Variants in SLIT2 observed in about 807,000 individuals in gnomAD.
The protein encoded by SLIT2 is slit homolog 2 protein.
A neutral mutation model predicts 185.7 loss-of-function variants in SLIT2; 41 were observed. That is an observed-to-expected ratio of 0.22 (90% CI 0.17 to 0.29). The LOEUF (loss-of-function observed/expected upper bound fraction) is 0.29. Ranked by LOEUF, SLIT2 falls within the 10% of genes least tolerant of loss-of-function variation. The pLI is 1.00. For synonymous variants in SLIT2, 693 were observed against 680.2 expected (o/e 1.02, Z -0.29); for missense variants, 1,571 against 1,909.0 (o/e 0.82, Z 3.30).
intron 4 of SLIT2, among the ~76,000 whole-genome samples, chr4:20,296,084 T>C (rs1716445285): frequency 6.6e-6 from 1 of 152,252 alleles, no homozygotes; most frequent in African/African-American, 2.4e-5. Context: ...CTGTAGATAT[T>C]CTAGAAAGAC....
At chr4:20,466,316 T>C (rs181332982) in intron 4 of SLIT2, among the ~76,000 whole-genome samples, 2 of 152,030 alleles carry the variant, frequency 1.3e-5, no homozygotes, top group Admixed American at 6.6e-5. Flanking sequence ...TTTTAGGAAA[T>C]GAAGGATTAA....
Position 20,450,741 on chromosome 4 carries a change from A to G in SLIT2, c.396-17011A>G, listed in dbSNP as rs149876548. On this transcript the variant is annotated intron_variant, in intron 4 of 36. Transcript: ENST00000504154. ...AATGCTATGAAGAATTGCATAAGGT[A>G]TTTATTCATTAGGTGTATTTGGAAA... 5.9e-3 allele frequency among the ~76,000 whole-genome samples: 899 copies of G among 152,320 alleles called. 5 individuals are homozygous for G. The highest frequency in any genetic ancestry group is 0.02 in the African/African-American group (848 of 41,574).
chr4:20,530,973 A>T (rs960775283), intron 16 of SLIT2, among the ~76,000 whole-genome samples: 1 of 151,914 alleles, frequency 6.6e-6, no homozygotes, highest in South Asian at 2.1e-4. Context: ...TAAAAAAAAA[A>T]AACAAAAACA....
intron 4 of SLIT2, among the ~76,000 whole-genome samples, chr4:20,438,266 G>GT (rs1729497017): frequency 6.6e-6 from 1 of 152,132 alleles, no homozygotes; most frequent in Non-Finnish European, 1.5e-5. Flanking sequence ...TGTTGATAAA[G>GT]ACATATCCAA....
chr4:20,437,982 C>A (rs111323352), intron 4 of SLIT2, among the ~76,000 whole-genome samples: 3 of 151,930 alleles, frequency 2.0e-5, no homozygotes, highest in Admixed American at 6.6e-5. Context: ...ACCTCATACC[C>A]CATGCCCAAT....
intron 29 of SLIT2, among the ~76,000 whole-genome samples, chr4:20,573,938 T>TTTTTTTTA (rs138792373): frequency 7.1e-6 from 1 of 140,718 alleles, no homozygotes; most frequent in Non-Finnish European, 1.5e-5. Context: ...CATAGAATTA[T>TTTTTTTTA]TTTATTTATT....
intron 4 of SLIT2, among the ~76,000 whole-genome samples, chr4:20,371,805 A>G (rs1723597432): frequency 6.6e-6 from 1 of 152,072 alleles, no homozygotes; most frequent in South Asian, 2.1e-4. Context: ...TTCCATATGT[A>G]TGGAAATATA....
chr4:20,518,548 A>G (rs1288038987), intron 11 of SLIT2, among the ~76,000 whole-genome samples: 13 of 53,916 alleles, frequency 2.4e-4, no homozygotes, highest in Middle Eastern at 0.029. Flanking sequence ...CACTGTGCCC[A>G]GCCTATATGT....
chr4:20,609,936 A>G, intron 33 of SLIT2, 77 bp from the exon 34 acceptor site: 2 of 1,372,638 alleles, frequency 1.5e-6, no homozygotes, highest in Non-Finnish European at 2.0e-6. Flanking sequence ...AGGAGCACTT[A>G]TCAAAGTTTG....
intron 33 of SLIT2, among the ~76,000 whole-genome samples, chr4:20,605,196 T>A (rs1031888656): frequency 6.6e-6 from 1 of 152,204 alleles, no homozygotes; most frequent in African/African-American, 2.4e-5. Flanking sequence ...AGTCTTTTAT[T>A]AAACTACAGA....
In SLIT2 at chr4:20,431,347, A is replaced by AGTGTG. The variant is rs1275644778; in HGVS notation, c.396-36404_396-36400dup. Among the ~76,000 whole-genome samples the AGTGTG allele has an allele frequency of 3.3e-5, 5 of 152,294 alleles. No homozygotes were observed. The South Asian group carries it at 1.0e-3, about 32-fold the overall frequency. ...GGAAAATTAGATGCTAGGAGGTAAC[A>AGTGTG]GTGTGCCTCTATATTTAAAGTAAAT... is the stretch of plus-strand genomic sequence containing the variant. On this transcript the variant is annotated intron_variant, in intron 4 of 36. Transcript: ENST00000504154.
At chr4:20,460,885 A>G (rs531036341) in intron 4 of SLIT2, among the ~76,000 whole-genome samples, 10 of 152,360 alleles carry the variant, frequency 6.6e-5, no homozygotes, top group South Asian at 6.2e-4. Flanking sequence ...AGAGTTCAAA[A>G]GAGGGAACAA....
intron 22 of SLIT2, among the ~76,000 whole-genome samples, chr4:20,546,821 A>G (rs1314785130): frequency 6.6e-6 from 1 of 152,092 alleles, no homozygotes; most frequent in African/African-American, 2.4e-5. Context: ...ATATAATACT[A>G]TACTTTTAAA....
chr4:20,518,465 G>A (rs1395715452), intron 11 of SLIT2, among the ~76,000 whole-genome samples: 4 of 131,840 alleles, frequency 3.0e-5, no homozygotes, highest in African/African-American at 1.1e-4. Flanking sequence ...TGTTAGCCAG[G>A]ATGATCTCGA....
chr4:20,309,476 T>G (rs1717877628), intron 4 of SLIT2, among the ~76,000 whole-genome samples: 1 of 152,012 alleles, frequency 6.6e-6, no homozygotes, highest in Non-Finnish European at 1.5e-5. Flanking sequence ...CTTACAACTT[T>G]TTATTAGAGC....
chr4:20,556,583 C>T (rs1724275443), intron 26 of SLIT2, among the ~76,000 whole-genome samples: 2 of 152,096 alleles, frequency 1.3e-5, no homozygotes. Context: ...CTGTCTCTCT[C>T]TCTCTCTTTC....
In SLIT2 at chr4:20,567,526, C is replaced by T. The variant is rs755060468; in HGVS notation, c.2859C>T (p.Asp953=). ...TGCCCCTTCTTCTCCAGGGGCAGGA[C>T]TGTGATGTCCCAATTCATGCCTGCA... ...CTCPYGFKGQ[D]CDVPIHACIS... The change falls in exon 28 of 37, where the codon GAC becomes GAT. Residue 953 remains aspartate (D), a synonymous_variant. Transcript: ENST00000504154. The T allele has an allele frequency of 6.2e-7, 1 of 1,613,152 alleles. No individual in the cohort carries two copies. Among genetic ancestry groups the T allele is most frequent in the Non-Finnish European group, 8.5e-7 (1 of 1,179,388 alleles).
At chr4:20,388,451 T>C (rs1725103369) in intron 4 of SLIT2, among the ~76,000 whole-genome samples, 1 of 151,850 alleles carries the variant, frequency 6.6e-6, no homozygotes, top group Non-Finnish European at 1.5e-5. Flanking sequence ...AGAAGTGAAT[T>C]ATAAGGAAGA....
At chr4:20,466,442 A>G (rs1328273948) in intron 4 of SLIT2, among the ~76,000 whole-genome samples, 2 of 152,230 alleles carry the variant, frequency 1.3e-5, no homozygotes, top group African/African-American at 4.8e-5. Flanking sequence ...TGTTTGAAAT[A>G]ATTTGTTGTG....
Sources: gnomAD v4.1 joint callset for allele counts (sites outside exome capture counted in the v4.1 genomes callset) on GRCh38, gnomAD v4.1.1 for gene constraint, MANE v1.5 for transcripts, NCBI Gene and HGNC (gene_info 2026-07-23, HGNC 2026-07-21) for gene names.